The following FBXL17 variants were observed in gnomAD, a reference collection of about 807,000 sequenced individuals.
The protein encoded by FBXL17 is F-box/LRR-repeat protein 17.
A neutral mutation model predicts 66.2 loss-of-function variants in FBXL17; 22 were observed. The ratio of observed to expected loss-of-function variants is 0.33; its 90% CI spans 0.24 to 0.47. FBXL17 has a LOEUF of 0.47. FBXL17 is among the 20% of genes least tolerant of loss of function. FBXL17 has a pLI of 1.00. For synonymous variants in FBXL17, 474 were observed against 400.5 expected, an observed-to-expected ratio of 1.18 and a Z score of -2.19; for missense variants, 878 against 948.2, an observed-to-expected ratio of 0.93 and a Z score of 0.97.
chr5:107,965,966 G>A (rs1245209629), intron 7 of FBXL17, among the ~76,000 whole-genome samples: 1 of 152,020 alleles, frequency 6.6e-6, no homozygotes, highest in South Asian at 2.1e-4. Flanking sequence ...TTCTATAAAA[G>A]ACGATATGAT....
At chr5:108,003,426 G>T (rs1753811947) in intron 7 of FBXL17, among the ~76,000 whole-genome samples, 1 of 151,936 alleles carries the variant, frequency 6.6e-6, no homozygotes, top group South Asian at 2.1e-4. Flanking sequence ...CATAGATAAA[G>T]ATCAAGTAGA....
chr5:108,178,736 T>C (rs1220234865), intron 6 of FBXL17, among the ~76,000 whole-genome samples: 1 of 152,342 alleles, frequency 6.6e-6, no homozygotes, highest in East Asian at 1.9e-4. Context: ...GCGGTGCTGC[T>C]ATAAATACCA....
At chr5:107,925,553 G>A (rs1053624670) in intron 7 of FBXL17, among the ~76,000 whole-genome samples, 4 of 152,180 alleles carry the variant, frequency 2.6e-5, no homozygotes, top group African/African-American at 7.2e-5. Flanking sequence ...AGAATTATCT[G>A]CCCAAGAGCA....
intron 7 of FBXL17, among the ~76,000 whole-genome samples, chr5:108,003,918 A>T (rs1283465413): frequency 6.6e-6 from 1 of 152,198 alleles, no homozygotes; most frequent in Non-Finnish European, 1.5e-5. Flanking sequence ...TGAGAAAATA[A>T]GGTTTGAAAC....
At position 107,909,267 on chromosome 5, in the gene FBXL17, T is replaced by C. The variant is rs140375517; in HGVS notation, c.1823-28088A>G. On this transcript the variant is annotated intron_variant, in intron 7 of 8. Coordinates refer to ENST00000542267, the MANE Select transcript of FBXL17 (RefSeq NM_001163315.3). ...AAAGAACAATTGAGCCAAGTTTCCA[T>C]GGAAAGAGCCACAATTTGTGCACAG... 6.5e-4 allele frequency among the ~76,000 whole-genome samples: 99 copies of C among 152,236 alleles called. 1 individual carries two copies. In the East Asian group the frequency reaches 0.011, roughly 17 times the overall value.
chr5:108,381,253 C>T lies in FBXL17; in HGVS notation c.439G>A (p.Ala147Thr). The T allele has an allele frequency of 6.9e-7, 1 of 1,442,768 alleles. No individual in the cohort carries two copies. The highest frequency in any genetic ancestry group is 1.4e-5 in the South Asian group (1 of 73,954). 89.4% of individuals were successfully genotyped at this position (1,442,768 alleles called of 1,614,324 possible). A position where few individuals can be genotyped will look rare whatever the true frequency, so the allele number is the denominator to read the frequency against. Residue 147 changes from alanine to threonine, a missense_variant, in exon 1 of 9, where the codon GCT (alanine) becomes ACT (threonine). By Grantham distance (58) the Ala-to-Thr change is moderately conservative. Transcript: ENST00000542267. ...TGCTGCTCCCAGGCGGCGGCCGCAG[C>T]CAGCCCCAACTCTTTGCAGCAGGAG... ...PASCCKELGL[A>T]AAAAWEQQGR...
intron 4 of FBXL17, among the ~76,000 whole-genome samples, chr5:108,254,679 AG>A (rs1756498980): frequency 6.6e-6 from 1 of 152,236 alleles, no homozygotes; most frequent in Non-Finnish European, 1.5e-5. Context: ...GCTAATTTGT[AG>A]AATATTTAAT....
At chr5:108,105,859 CTCCT>C (rs1561412420) in intron 6 of FBXL17, among the ~76,000 whole-genome samples, 1 of 152,142 alleles carries the variant, frequency 6.6e-6, no homozygotes, top group Non-Finnish European at 1.5e-5. Flanking sequence ...TTTAATATCT[CTCCT>C]TATTTATTTA....
intron 4 of FBXL17, among the ~76,000 whole-genome samples, chr5:108,258,480 G>A (rs536387754): frequency 2.0e-5 from 3 of 152,172 alleles, no homozygotes; most frequent in South Asian, 4.2e-4. Flanking sequence ...AAACAGGTAC[G>A]AAAGAAGCAC....
intron 4 of FBXL17, among the ~76,000 whole-genome samples, chr5:108,328,758 A>T (rs1759982518): frequency 6.6e-6 from 1 of 152,032 alleles, no homozygotes; most frequent in South Asian, 2.1e-4. Context: ...ATCTCAATAT[A>T]TTGTAAAATC....
At chr5:108,335,232 C>G (rs533859909) in intron 4 of FBXL17, among the ~76,000 whole-genome samples, 6 of 147,236 alleles carry the variant, frequency 4.1e-5, no homozygotes, top group South Asian at 4.5e-4. Context: ...CTCCCCCACC[C>G]CCCCCCAACA....
chr5:108,166,000 C>T (rs1271862245), intron 6 of FBXL17, among the ~76,000 whole-genome samples: 10 of 152,162 alleles, frequency 6.6e-5, no homozygotes, highest in East Asian at 1.9e-4. Context: ...AAGAAACCCA[C>T]GTGAGACACC....
At chr5:108,025,864 G>A (rs182810777) in intron 6 of FBXL17, among the ~76,000 whole-genome samples, 241 of 151,990 alleles carry the variant, frequency 1.6e-3, no homozygotes, top group African/African-American at 5.7e-3. Flanking sequence ...TTCATACGTG[G>A]GTCATTTAAA....
chr5:108,077,768 G>A (rs775415544), intron 6 of FBXL17, among the ~76,000 whole-genome samples: 2 of 151,832 alleles, frequency 1.3e-5, no homozygotes, highest in Non-Finnish European at 2.9e-5. Context: ...ACTGAATCCT[G>A]AATTGTTTCC....
At chr5:108,052,112 C>CAAAAAAAAAAAAAAAAAAAAAAAA (rs144705189) in intron 6 of FBXL17, among the ~76,000 whole-genome samples, 4 of 102,194 alleles carry the variant, frequency 3.9e-5, no homozygotes, top group Non-Finnish European at 7.6e-5. Context: ...GACTTCGTCT[C>CAAAAAAAAAAAAAAAAAAAAAAAA]AAAAAAAAAA....
At chr5:107,983,103 C>T (rs1007626731) in intron 7 of FBXL17, among the ~76,000 whole-genome samples, 1 of 152,146 alleles carries the variant, frequency 6.6e-6, no homozygotes, top group Admixed American at 6.6e-5. Context: ...TTCATCTGGC[C>T]TAGACCTGAC....
chr5:107,988,179 A>G (rs1753095807), intron 7 of FBXL17, among the ~76,000 whole-genome samples: 1 of 152,062 alleles, frequency 6.6e-6, no homozygotes, highest in Admixed American at 6.6e-5. Context: ...CTTCAAATAT[A>G]TCCTGCGTAT....
At chr5:108,172,836 T>C (rs999729130) in intron 6 of FBXL17, among the ~76,000 whole-genome samples, 1 of 152,196 alleles carries the variant, frequency 6.6e-6, no homozygotes, top group Non-Finnish European at 1.5e-5. Context: ...GTTTAGCTCT[T>C]GTTGCCCAGG....
chr5:108,297,760 A>C (rs1483691881), intron 4 of FBXL17: 1 of 685,352 alleles, frequency 1.5e-6, no homozygotes, highest in East Asian at 1.3e-4. Flanking sequence ...GTTTATTCAT[A>C]ACAAATTAAG....
Sources: gnomAD v4.1 joint callset for allele counts (sites outside exome capture counted in the v4.1 genomes callset) on GRCh38, gnomAD v4.1.1 for gene constraint, MANE v1.5 for transcripts, NCBI Gene and HGNC (gene_info 2026-07-23, HGNC 2026-07-21) for gene names.